The following TBCB variants were observed in gnomAD, a reference collection of about 807,000 sequenced individuals.
TBCB encodes the protein tubulin-folding cofactor B.
Under a neutral mutation model 29.2 loss-of-function variants are expected in TBCB, and 18 were observed. The ratio of observed to expected loss-of-function variants is 0.62; its 90% CI spans 0.43 to 0.91. TBCB has a LOEUF of 0.91. TBCB is among the 40% of genes least tolerant of loss of function. The pLI, the probability that TBCB is intolerant of heterozygous loss-of-function variation, is 0.00. For synonymous variants in TBCB, 172 were observed against 137.8 expected (o/e 1.25, Z -1.74); for missense variants, 336 against 337.6 (o/e 1.00, Z 0.04).
At chr19:36,117,985 C>G (rs1048355344) in intron 2 of TBCB, 4 of 149,204 alleles carry the variant, frequency 2.7e-5, no homozygotes, top group Admixed American at 2.0e-4. Context: ...AGACTGGTCT[C>G]GAACTCCTGA....
chr19:36,125,848 A>G lies in TBCB; in HGVS notation c.*66A>G, dbSNP rs1439954256. 8.2e-7 allele frequency: 1 copy of G among 1,213,178 alleles called. No individual in the cohort carries two copies. The highest frequency in any genetic ancestry group is 1.1e-6 in the Non-Finnish European group (1 of 896,278). 75.2% of individuals were successfully genotyped at this position (1,213,178 alleles called of 1,614,324 possible). On this transcript the variant is annotated 3_prime_UTR_variant, in exon 6 of 6. Transcript: ENST00000221855. Reference sequence around the variant, plus strand: ...CTGACTGCCCCTCCTGTGTGTGCCCATGGCCCTTTTCTCCTGACCCCATTT... The same window carrying G: ...CTGACTGCCCCTCCTGTGTGTGCCCGTGGCCCTTTTCTCCTGACCCCATTT...
At chr19:36,125,395 C>T (rs552834549) in intron 4 of TBCB, 56 bp from the exon 5 acceptor site, 4 of 1,591,218 alleles carry the variant, frequency 2.5e-6, no homozygotes, top group Middle Eastern at 1.7e-4. Flanking sequence ...CCTGAAATTT[C>T]ATGGGGATTT....
In TBCB at chr19:36,120,698, C is replaced by CACACAGGT. The variant is rs772408823; in HGVS notation, c.259-12_259-11insACACAGGT. 24 of 1,613,582 alleles carry CACACAGGT rather than the reference C, an allele frequency of 1.5e-5. No individual in the cohort carries two copies. The highest frequency in any genetic ancestry group is 1.4e-5 in the Non-Finnish European group (16 of 1,179,684). On this transcript the variant is annotated splice_polypyrimidine_tract_variant and intron_variant, in intron 2 of 5. Coordinates refer to ENST00000221855, the MANE Select transcript of TBCB (RefSeq NM_001281.3). Reference sequence around the variant, plus strand: ...AGACCCTGATCCCCACGGAGCCCCTCCCCTCACACAGGTCATTGACCACAG... The same window carrying CACACAGGT: ...AGACCCTGATCCCCACGGAGCCCCTCACACAGGTCCCTCACACAGGTCATTGACCACAG...
At chr19:36,121,276 AGG>A (rs1182765779) in intron 3 of TBCB, among the ~76,000 whole-genome samples, 1 of 151,830 alleles carries the variant, frequency 6.6e-6, no homozygotes, top group Non-Finnish European at 1.5e-5. Flanking sequence ...TGTGCGCTGA[AGG>A]GGTGAGAGAC....
At chr19:36,125,556 T>C in intron 5 of TBCB, 33 bp downstream of exon 5, 2 of 1,613,452 alleles carry the variant, frequency 1.2e-6, no homozygotes. Context: ...TGTCTGTGTG[T>C]GCATTTGTGT....
intron 3 of TBCB, 26 bp from the exon 4 acceptor site, chr19:36,121,501 C>A: frequency 1.3e-6 from 2 of 1,541,340 alleles, no homozygotes; most frequent in Non-Finnish European, 1.7e-6. Flanking sequence ...GACACCCCAA[C>A]TGACCCCAGC....
rs192974805 is a variant in TBCB at position 36,119,007 on chromosome 19, G to A, written c.259-1703G>A. On this transcript the variant is annotated intron_variant, in intron 2 of 5. Coordinates refer to ENST00000221855, the MANE Select transcript of TBCB (RefSeq NM_001281.3). ...GCTGGGTGCACAGGACTGAGCCTTT[G>A]GGCCACCCTGGGCAGCTGAAGCTAA... Among the ~76,000 whole-genome samples the A allele has an allele frequency of 1.6e-3, 240 of 152,222 alleles. 2 individuals carry two copies. Among genetic ancestry groups the A allele is most frequent in the African/African-American group, 5.3e-3 (218 of 41,520 alleles).
chr19:36,116,395 C>A, intron 2 of TBCB: 1 of 545,046 alleles, frequency 1.8e-6, no homozygotes, highest in South Asian at 3.2e-5. Flanking sequence ...GGGACTGGAG[C>A]CACCAAGAAG....
chr19:36,123,404 G>A (rs1272398605), intron 4 of TBCB, among the ~76,000 whole-genome samples: 6 of 151,976 alleles, frequency 3.9e-5, no homozygotes, highest in Non-Finnish European at 8.8e-5. Flanking sequence ...GGGAATACAG[G>A]TACTCATCAC....
Position 36,115,485 on chromosome 19 carries a change from A to AGCG in TBCB, c.-74_-73insGGC. On this transcript the variant is annotated 5_prime_UTR_variant, in exon 1 of 6. Transcript: ENST00000221855. Reference sequence around the variant, plus strand: ...GAGGCGGGGCTGATAGCCCAGCAGCAGCAGCGGCGGCGGCGGCTGCGGAGC... The same window carrying AGCG: ...GAGGCGGGGCTGATAGCCCAGCAGCAGCGGCAGCGGCGGCGGCGGCTGCGGAGC... The AGCG allele has an allele frequency of 1.8e-6, 2 of 1,135,024 alleles. No homozygotes were observed. The highest frequency in any genetic ancestry group is 2.6e-6 in the Non-Finnish European group (2 of 779,876). 70.3% of individuals were successfully genotyped at this position (1,135,024 alleles called of 1,614,324 possible).
chr19:36,120,924 G>A (rs1008705081), intron 3 of TBCB, 118 bp downstream of exon 3: 17 of 891,042 alleles, frequency 1.9e-5, no homozygotes, highest in Admixed American at 1.8e-4. Context: ...ACGGGGGGCC[G>A]AGAGCTTGGG....
chr19:36,125,687 T>C lies in TBCB; in HGVS notation c.640T>C (p.Phe214Leu). Reference protein sequence around the residue: ...NDGSVNGKRYFECQAKYGAFV... With the variant: ...NDGSVNGKRYLECQAKYGAFV... ...CTGCAGTGTGAATGGGAAACGCTAC[T>C]TCGAATGCCAGGCCAAGTATGGCGC... Residue 214 changes from phenylalanine to leucine, a missense_variant, in exon 6 of 6, where the codon TTC (phenylalanine) becomes CTC (leucine). Phe to Leu is a conservative substitution (Grantham distance 22, BLOSUM62 0). Transcript: ENST00000221855. 2 of 1,579,998 alleles carry C rather than the reference T, an allele frequency of 1.3e-6. No homozygotes were observed. The highest frequency in any genetic ancestry group is 2.2e-5 in the East Asian group (1 of 44,538).
intron 3 of TBCB, 42 bp from the exon 4 acceptor site, chr19:36,121,485 C>T (rs776548104): frequency 3.9e-6 from 6 of 1,525,970 alleles, no homozygotes; most frequent in Non-Finnish European, 5.3e-6. Context: ...CCTGTTAGGC[C>T]CGGCCGACAC....
intron 3 of TBCB, 28 bp from the exon 4 acceptor site, chr19:36,121,499 A>G (rs1048305355): frequency 6.5e-7 from 1 of 1,540,288 alleles, no homozygotes; most frequent in East Asian, 2.4e-5. Context: ...CCGACACCCC[A>G]ACTGACCCCA....
intron 1 of TBCB, 67 bp downstream of exon 1, chr19:36,115,741 G>A: frequency 1.5e-6 from 2 of 1,317,128 alleles, no homozygotes; most frequent in Non-Finnish European, 2.1e-6. Context: ...GGAAGGGGGA[G>A]GCTGGGAGGG....
chr19:36,121,901 T>G (rs930066741), intron 4 of TBCB, 183 bp downstream of exon 4: 25 of 806,460 alleles, frequency 3.1e-5, no homozygotes, highest in Non-Finnish European at 4.7e-5. Context: ...CCCAGAGTGT[T>G]TGTGGAGGGA....
chr19:36,120,826 G>A lies in TBCB; in HGVS notation c.355+20G>A, dbSNP rs1278911696. The A allele has an allele frequency of 6.8e-6, 11 of 1,612,678 alleles. No homozygotes were observed. Among genetic ancestry groups the A allele is most frequent in the African/African-American group, 6.7e-5 (5 of 74,836 alleles). On this transcript the variant is annotated intron_variant, in intron 3 of 5. Coordinates refer to ENST00000221855, the MANE Select transcript of TBCB (RefSeq NM_001281.3). ...GGCAAGGTACGGGCAGGTGGGCGTC[G>A]AGGGGTGCGTGGGGGCCAGAGGGAG... is the stretch of plus-strand genomic sequence containing the variant.
chr19:36,123,848 C>G (rs954242223), intron 4 of TBCB, among the ~76,000 whole-genome samples: 43 of 152,286 alleles, frequency 2.8e-4, no homozygotes, highest in African/African-American at 1.0e-3. Context: ...GCACTCCAGC[C>G]TGGGCAACCA....
chr19:36,122,370 C>T (rs538717890), intron 4 of TBCB, among the ~76,000 whole-genome samples: 1 of 151,510 alleles, frequency 6.6e-6, no homozygotes, highest in Non-Finnish European at 1.5e-5. Flanking sequence ...GCTTGAGCCC[C>T]GGAGTTGGAG....
Sources: gnomAD v4.1 joint callset for allele counts (sites outside exome capture counted in the v4.1 genomes callset) on GRCh38, gnomAD v4.1.1 for gene constraint, MANE v1.5 for transcripts, NCBI Gene and HGNC (gene_info 2026-07-23, HGNC 2026-07-21) for gene names.